The following MYH1 variants were observed in gnomAD, a reference collection of about 807,000 sequenced individuals.
The protein encoded by MYH1 is myosin heavy chain 1, also known as myosin-1.
In MYH1, 214 loss-of-function variants were observed where a neutral mutation model predicts 225.6. The observed-to-expected ratio is 0.95, with a 90% confidence interval of 0.85 to 1.06. The LOEUF is 1.06. MYH1 is among the 50% of genes least tolerant of loss of function. MYH1 has a pLI of 0.00. For missense variants in MYH1, 2,098 were observed against 2,344.2 expected (o/e 0.89, Z 2.17); for synonymous variants, 774 against 842.3 (o/e 0.92, Z 1.40).
intron 29 of MYH1, 34 bp from the exon 30 acceptor site, chr17:10,498,856 A>C (rs765530326): frequency 6.2e-7 from 1 of 1,611,196 alleles, no homozygotes; most frequent in Non-Finnish European, 8.5e-7. Context: ...TTAATTTTAT[A>C]TATTTAAAGT....
intron 30 of MYH1, 68 bp downstream of exon 30, chr17:10,498,558 C>T (rs992323503): frequency 3.8e-6 from 6 of 1,599,526 alleles, no homozygotes; most frequent in Admixed American, 3.4e-5. Context: ...ATGTTTTTTC[C>T]CTAGTTTTTC....
intron 14 of MYH1, among the ~76,000 whole-genome samples, chr17:10,511,135 C>T (rs527543657): frequency 2.6e-5 from 4 of 151,332 alleles, no homozygotes; most frequent in South Asian, 2.1e-4. Flanking sequence ...TCAATCAGTC[C>T]GTACACAGAT....
At chr17:10,510,964 A>C (rs1030579371) in intron 14 of MYH1, among the ~76,000 whole-genome samples, 13 of 150,894 alleles carry the variant, frequency 8.6e-5, no homozygotes, top group African/African-American at 2.2e-4. Context: ...AAAAAAAAAG[A>C]AGCAGCTCAA....
Position 10,514,879 on chromosome 17 carries a change from A to G in MYH1, c.522T>C (p.Ser174=). 2 of 1,612,792 alleles carry G rather than the reference A, an allele frequency of 1.2e-6. No individual in the cohort carries two copies. Among genetic ancestry groups the G allele is most frequent in the Non-Finnish European group, 1.7e-6 (2 of 1,179,150 alleles). ...QFMLTDRENQ[S]ILITGESGAG... ...ATAGGAATACATACGTGATCAAGATAGACTGATTCTCCCGATCTAGAAGAA... is the reference window on the plus strand; with the variant it reads ...ATAGGAATACATACGTGATCAAGATGGACTGATTCTCCCGATCTAGAAGAA... Residue 174 remains serine (S), a synonymous_variant, in exon 6 of 40, where the codon TCT becomes TCC. Transcript: ENST00000226207.
In MYH1 at chr17:10,505,508, G is replaced by A. The variant is rs2073102575; in HGVS notation, c.2178C>T (p.Tyr726=). Residue 726 remains tyrosine (Y), a synonymous_variant, in exon 20 of 40, where the codon TAC becomes TAT. Coordinates refer to ENST00000226207, the MANE Select transcript of MYH1 (RefSeq NM_005963.4). The part of the protein sequence containing the change: ...RILYADFKQR[Y]KVLNASAIPE... ...GGATAGCACTTGCATTTAACACCTT[G>A]TATCTGTTTAAGCCAGACAAAAAAA... 1 of 1,613,932 alleles carries A rather than the reference G, an allele frequency of 6.2e-7. No homozygotes were observed. Among genetic ancestry groups the A allele is most frequent in the Admixed American group, 1.7e-5 (1 of 60,002 alleles).
At position 10,501,451 on chromosome 17, in the gene MYH1, G is replaced by T; in HGVS notation, c.3397C>A (p.Arg1133=). 1 of 1,614,214 alleles carries T rather than the reference G, an allele frequency of 6.2e-7. No individual in the cohort carries two copies. Among genetic ancestry groups the T allele is most frequent in the Non-Finnish European group, 8.5e-7 (1 of 1,180,038 alleles). The part of the protein sequence containing the change: ...EEEIEAERAS[R]AKAEKQRSDL... ...GAGCGCTGCTTCTCTGCTTTGGCCC[G>T]GGAGGCCCGCTCTGCCTCGATTTCC... is the stretch of plus-strand genomic sequence containing the variant. The change falls in exon 27 of 40, where the codon CGG becomes AGG. Residue 1133 remains arginine, a synonymous_variant. Coordinates refer to ENST00000226207, the MANE Select transcript of MYH1 (RefSeq NM_005963.4).
rs746940411 is a variant in MYH1 at position 10,502,815 on chromosome 17, C to A, written c.3034G>T (p.Asp1012Tyr). 1 of 1,614,050 alleles carries A rather than the reference C, an allele frequency of 6.2e-7. No homozygotes were observed. Among genetic ancestry groups the A allele is most frequent in the African/African-American group, 1.3e-5 (1 of 74,984 alleles). ...ALQEAHQQTL[D>Y]DLQAEEDKVN... Reference sequence around the variant, plus strand: ...TTGTCCTCCTCTGCCTGCAGGTCATCCAGGGTCTGCTGGTGGGCCTCCTGG... The same window carrying A: ...TTGTCCTCCTCTGCCTGCAGGTCATACAGGGTCTGCTGGTGGGCCTCCTGG... Residue 1012 changes from aspartate to tyrosine, a missense_variant, in exon 24 of 40, where the codon GAT becomes TAT. By Grantham distance (160) the Asp-to-Tyr change is radical. Transcript: ENST00000226207.
rs200312088 is a variant in MYH1, at chr17:10,508,377, G to C, written c.1883C>G (p.Thr628Arg). The C allele has an allele frequency of 4.4e-6, 7 of 1,602,918 alleles. No homozygotes were observed. Among genetic ancestry groups the C allele is most frequent in the Non-Finnish European group, 6.0e-6 (7 of 1,174,652 alleles). Residue 628 changes from threonine (T) to arginine (R), a missense_variant, in exon 16 of 40, where the codon ACG becomes AGG. By Grantham distance (71) the Thr-to-Arg change is moderately conservative. Coordinates refer to ENST00000226207, the MANE Select transcript of MYH1 (RefSeq NM_005963.4). ...KTLALLFVGA[T>R]GAEAEAGGGK... ...TTGATAATTACCTGCTTCCGCTCCC[G>C]TTGCCCCAACAAAGAGGAGAGCCAG...
At chr17:10,502,581 G>A in intron 24 of MYH1, among the ~76,000 whole-genome samples, 157 bp downstream of exon 24, 1 of 152,016 alleles carries the variant, frequency 6.6e-6, no homozygotes, top group East Asian at 1.9e-4. Context: ...ACTTTATTGT[G>A]TGTACATCTT....
chr17:10,505,871 G>A lies in MYH1; in HGVS notation c.2115C>T (p.Gly705=). Residue 705 remains glycine (G), a synonymous_variant, in exon 19 of 40, where the codon GGC becomes GGT. Transcript: ENST00000226207. ...HQLRCNGVLE[G]IRICRKGFPS... ...GGAAGCCTTTCCTGCAGATGCGGAT[G>A]CCTTCCAGCACACCGTTACACCTCA... 6.2e-7 allele frequency: 1 copy of A among 1,614,128 alleles called. No homozygotes were observed. The highest frequency in any genetic ancestry group is 1.1e-5 in the South Asian group (1 of 91,082).
In MYH1 at chr17:10,505,886, G is replaced by A. The variant is rs142273804; in HGVS notation, c.2100C>T (p.Asn700=). ...AGATGCGGATGCCTTCCAGCACACC[G>A]TTACACCTCAGCTGATGCAGGACAA... ...HELVLHQLRC[N]GVLEGIRICR... The change falls in exon 19 of 40, where the codon AAC becomes AAT. Residue 700 remains asparagine, a synonymous_variant. Transcript: ENST00000226207. The A allele has an allele frequency of 1.3e-4, 213 of 1,614,068 alleles. No individual in the cohort carries two copies. The African/African-American group carries it at 1.5e-3, about 11-fold the overall frequency.
At position 10,501,214 on chromosome 17, in the gene MYH1, C is replaced by T; in HGVS notation, c.3634G>A (p.Asp1212Asn). Residue 1212 changes from aspartate to asparagine, a missense_variant, in exon 27 of 40, where the codon GAC becomes AAC. Asp to Asn is a conservative substitution (Grantham distance 23, BLOSUM62 1). Transcript: ENST00000226207. ...DSVAELGEQIDNLQRVKQKLE... is the reference protein window; with the variant it reads ...DSVAELGEQINNLQRVKQKLE... The stretch of plus-strand genomic sequence containing the variant: ...TTCTGCTTCACTCGCTGCAGGTTGT[C>T]AATCTGCTCCCCAAGCTCGGCCACA... The T allele has an allele frequency of 3.7e-6, 6 of 1,614,182 alleles. No homozygotes were observed. Among genetic ancestry groups the T allele is most frequent in the Non-Finnish European group, 5.1e-6 (6 of 1,180,022 alleles).
rs368060150 is a variant in MYH1, at chr17:10,497,767, G to A, written c.4332C>T (p.Ala1444=). 111 of 1,613,734 alleles carry A rather than the reference G, an allele frequency of 6.9e-5. No homozygotes were observed. The African/African-American group carries it at 7.7e-4, about 11-fold the overall frequency. Residue 1444 remains alanine, a synonymous_variant, in exon 31 of 40, where the codon GCC becomes GCT. Coordinates refer to ENST00000226207, the MANE Select transcript of MYH1 (RefSeq NM_005963.4). The part of the protein sequence containing the change: ...IDVERTNAAC[A]ALDKKQRNFD... ...AGTTCCTTTGCTTTTTGTCCAGGGCGGCACAGGCAGCATTTGTCCTCTCAA... is the reference window on the plus strand; with the variant it reads ...AGTTCCTTTGCTTTTTGTCCAGGGCAGCACAGGCAGCATTTGTCCTCTCAA...
At position 10,507,614 on chromosome 17, in the gene MYH1, A is replaced by G. The variant is rs370853652; in HGVS notation, c.1968+272T>C. ...AAATGACCTCATTCTCAGGCCCCAG[A>G]ATCGAATTTTGCCGTCTAATACTGA... On this transcript the variant is annotated intron_variant, in intron 17 of 39. Transcript: ENST00000226207. 7.7e-4 allele frequency among the ~76,000 whole-genome samples: 117 copies of G among 152,264 alleles called. No homozygotes were observed. In the South Asian group the frequency reaches 0.024, roughly 31 times the overall value.
chr17:10,509,605 T>C lies in MYH1; in HGVS notation c.1467A>G (p.Gln489=), dbSNP rs1036487156. ...CGAACATGTGGTGGTTGAAAAACTG[T>C]TGCAGTTTCTCATTGGTGAAGTTGA... ...LCINFTNEKL[Q]QFFNHHMFVL... Residue 489 remains glutamine (Q), a synonymous_variant, in exon 15 of 40, where the codon CAA becomes CAG. Coordinates refer to ENST00000226207, the MANE Select transcript of MYH1 (RefSeq NM_005963.4). The C allele has an allele frequency of 3.1e-6, 5 of 1,614,212 alleles. No individual in the cohort carries two copies. Among genetic ancestry groups the C allele is most frequent in the Non-Finnish European group, 4.2e-6 (5 of 1,180,044 alleles).
chr17:10,513,186 C>A (rs143941373), intron 9 of MYH1, among the ~76,000 whole-genome samples: 1 of 152,186 alleles, frequency 6.6e-6, no homozygotes, highest in Non-Finnish European at 1.5e-5. Context: ...ATTCACTTCT[C>A]ATACAGAAGA....
Position 10,501,413 on chromosome 17 carries a change from C to G in MYH1, c.3435G>C (p.Arg1145=). ...GCCTCTCGCTGATCTCCTCCAGCTC[C>G]CGGGAGAGATCAGAGCGCTGCTTCT... ...KAEKQRSDLS[R]ELEEISERLE... Residue 1145 remains arginine (R), a synonymous_variant, in exon 27 of 40, where the codon CGG becomes CGC. Transcript: ENST00000226207. The G allele has an allele frequency of 6.2e-7, 1 of 1,614,220 alleles. No individual in the cohort carries two copies. Among genetic ancestry groups the G allele is most frequent in the Non-Finnish European group, 8.5e-7 (1 of 1,180,042 alleles).
Position 10,494,630 on chromosome 17 carries a change from T to C in MYH1, c.5510A>G (p.Asn1837Ser). ...EGEVESEQKR[N>S]VEAVKGLRKH... is the part of the protein sequence containing the mutation. The stretch of plus-strand genomic sequence containing the variant: ...GCGTAGACCCTTGACAGCTTCAACA[T>C]TGCGCTTCTGTTCACTTTCAACTTC... Residue 1837 changes from asparagine to serine, a missense_variant, in exon 38 of 40, where the codon AAT (asparagine) becomes AGT (serine). By Grantham distance (46) the Asn-to-Ser change is conservative (BLOSUM62 1). Transcript: ENST00000226207. The C allele has an allele frequency of 6.2e-7, 1 of 1,614,138 alleles. No homozygotes were observed. Among genetic ancestry groups the C allele is most frequent in the Admixed American group, 1.7e-5 (1 of 60,026 alleles).
intron 17 of MYH1, 111 bp downstream of exon 17, chr17:10,507,775 T>C: frequency 1.1e-6 from 1 of 884,220 alleles, no homozygotes; most frequent in Non-Finnish European, 1.8e-6. Context: ...CTGAACTATC[T>C]CGTTGAGTCA....
Sources: allele counts gnomAD v4.1 joint callset (sites outside exome capture counted in the v4.1 genomes callset), GRCh38; gene constraint gnomAD v4.1.1; transcripts MANE v1.5; gene names NCBI Gene and HGNC (gene_info 2026-07-23, HGNC 2026-07-21).